Variants in CSGALNACT1 observed in about 807,000 individuals in gnomAD.
CSGALNACT1 encodes chondroitin sulfate N-acetylgalactosaminyltransferase 1, also known as beta4GalNAcT-1.
A neutral mutation model predicts 51.0 loss-of-function variants in CSGALNACT1; 52 were observed. The ratio of observed to expected loss-of-function variants is 1.02; its 90% confidence interval spans 0.82 to 1.29. The LOEUF (loss-of-function observed/expected upper bound fraction) is 1.29, where lower values mean the gene tolerates loss of function less well. Among genes scored for constraint, CSGALNACT1 ranks in the 50% most tolerant of loss-of-function variants. CSGALNACT1 has a pLI of 0.00. For missense variants in CSGALNACT1, 935 were observed against 679.2 expected (o/e 1.38, Z -4.19); for synonymous variants, 341 against 254.4 (o/e 1.34, Z -3.24).
intron 3 of CSGALNACT1, among the ~76,000 whole-genome samples, chr8:19,590,336 T>C (rs768679913): frequency 1.3e-5 from 2 of 152,224 alleles, no homozygotes; most frequent in Non-Finnish European, 2.9e-5. Context: ...ATAGTAGACA[T>C]CTATTGGACA....
intron 2 of CSGALNACT1, among the ~76,000 whole-genome samples, chr8:19,600,549 G>A (rs567032559): frequency 1.1e-4 from 16 of 152,204 alleles, no homozygotes; most frequent in East Asian, 3.9e-4. Flanking sequence ...AGTTCCATAC[G>A]CCCTTCAAGT....
At chr8:19,703,127 G>C (rs1046287466) in intron 1 of CSGALNACT1, among the ~76,000 whole-genome samples, 5 of 152,138 alleles carry the variant, frequency 3.3e-5, no homozygotes, top group Non-Finnish European at 5.9e-5. Flanking sequence ...GGATGCTACT[G>C]TCTTCTGATC....
chr8:19,710,247 A>G (rs1419953166), intron 1 of CSGALNACT1, among the ~76,000 whole-genome samples: 1 of 152,222 alleles, frequency 6.6e-6, no homozygotes, highest in African/African-American at 2.4e-5. Flanking sequence ...ACACAGCATG[A>G]CTATATATGG....
chr8:19,677,491 G>A (rs919397571), intron 1 of CSGALNACT1, among the ~76,000 whole-genome samples: 2 of 152,096 alleles, frequency 1.3e-5, no homozygotes, highest in African/African-American at 2.4e-5. Flanking sequence ...AATGGTACCA[G>A]GACAGATTAA....
At chr8:19,587,018 T>G (rs1399633754) in intron 3 of CSGALNACT1, among the ~76,000 whole-genome samples, 1 of 152,238 alleles carries the variant, frequency 6.6e-6, no homozygotes, top group Non-Finnish European at 1.5e-5. Context: ...AGAGGTTTCC[T>G]GGAAGGTCAG....
At chr8:19,468,058 A>T (rs2067129889) in intron 4 of CSGALNACT1, among the ~76,000 whole-genome samples, 1 of 152,216 alleles carries the variant, frequency 6.6e-6, no homozygotes, top group Non-Finnish European at 1.5e-5. Context: ...AGAGAGAAAG[A>T]CAGGTAAACA....
At chr8:19,433,157 G>C (rs2059893292) in intron 6 of CSGALNACT1, among the ~76,000 whole-genome samples, 1 of 152,092 alleles carries the variant, frequency 6.6e-6, no homozygotes. Context: ...CCACTTAATG[G>C]TCAGCTAATG....
chr8:19,602,986 A>G (rs991258199), upstream of CSGALNACT1, among the ~76,000 whole-genome samples: 5 of 151,202 alleles, frequency 3.3e-5, no homozygotes, highest in Non-Finnish European at 7.4e-5. Context: ...ATATATATAT[A>G]TACATACATA....
At chr8:19,565,690 G>A (rs1261716899) in intron 3 of CSGALNACT1, among the ~76,000 whole-genome samples, 1 of 152,184 alleles carries the variant, frequency 6.6e-6, no homozygotes, top group African/African-American at 2.4e-5. Context: ...AGGCCAAGGT[G>A]GGTGGATCAT....
chr8:19,549,920 CT>C (rs1021867602), intron 3 of CSGALNACT1, among the ~76,000 whole-genome samples: 3 of 152,004 alleles, frequency 2.0e-5, no homozygotes, highest in African/African-American at 7.3e-5. Context: ...TTTGCTGAGC[CT>C]TTGTATGCGA....
intron 1 of CSGALNACT1, among the ~76,000 whole-genome samples, chr8:19,731,795 C>A (rs1471433294): frequency 1.3e-5 from 2 of 152,188 alleles, no homozygotes; most frequent in Non-Finnish European, 2.9e-5. Context: ...CAAGAAACAG[C>A]AGATACTTAC....
At chr8:19,568,753 T>C (rs2042398763) in intron 3 of CSGALNACT1, among the ~76,000 whole-genome samples, 1 of 152,188 alleles carries the variant, frequency 6.6e-6, no homozygotes, top group Non-Finnish European at 1.5e-5. Context: ...CAACCTCGCA[T>C]TGCAGTAATT....
intron 3 of CSGALNACT1, among the ~76,000 whole-genome samples, chr8:19,530,504 C>T (rs914809427): frequency 6.6e-6 from 1 of 152,156 alleles, no homozygotes; most frequent in Non-Finnish European, 1.5e-5. Context: ...GACATGTAAA[C>T]TTTACTAGAA....
intron 3 of CSGALNACT1, among the ~76,000 whole-genome samples, chr8:19,520,351 A>G (rs992227214): frequency 6.6e-6 from 1 of 152,238 alleles, no homozygotes; most frequent in African/African-American, 2.4e-5. Flanking sequence ...TGCAAGCTGC[A>G]TTGTTATTTT....
upstream of CSGALNACT1, among the ~76,000 whole-genome samples, chr8:19,604,914 C>CAAAAAA (rs576342135): frequency 1.6e-5 from 1 of 64,440 alleles, no homozygotes; most frequent in African/African-American, 5.0e-5. Flanking sequence ...GACTCTGTCT[C>CAAAAAA]AAAAAAAAAA....
At chr8:19,737,341 A>G (rs558599162) in intron 1 of CSGALNACT1, among the ~76,000 whole-genome samples, 5 of 152,322 alleles carry the variant, frequency 3.3e-5, no homozygotes, top group Non-Finnish European at 7.4e-5. Context: ...TTAAACCCAA[A>G]TGAATGCTCA....
At chr8:19,705,724 G>C (rs185064123) in intron 1 of CSGALNACT1, among the ~76,000 whole-genome samples, 1 of 151,988 alleles carries the variant, frequency 6.6e-6, no homozygotes, top group Non-Finnish European at 1.5e-5. Context: ...GCAACAGAGC[G>C]AGACCCAGTC....
chr8:19,455,036 C>A (rs1159978290), intron 5 of CSGALNACT1, among the ~76,000 whole-genome samples: 1 of 152,166 alleles, frequency 6.6e-6, no homozygotes, highest in East Asian at 1.9e-4. Flanking sequence ...GCAAGCAATT[C>A]TTCTATCTGC....
chr8:19,653,976 T>C (rs1395963585), intron 1 of CSGALNACT1, among the ~76,000 whole-genome samples: 1 of 152,078 alleles, frequency 6.6e-6, no homozygotes, highest in African/African-American at 2.4e-5. Context: ...AAGGAAACCA[T>C]GCTAGGTTCA....
Sources: gnomAD v4.1 joint callset for allele counts (sites outside exome capture counted in the v4.1 genomes callset) on GRCh38, gnomAD v4.1.1 for gene constraint, MANE v1.5 for transcripts, NCBI Gene and HGNC (gene_info 2026-07-23, HGNC 2026-07-21) for gene names.